The following AMDHD2 variants were observed in gnomAD, a reference collection of about 807,000 sequenced individuals.
AMDHD2 encodes the protein amidohydrolase domain containing 2, also known as N-acetylglucosamine-6-phosphate deacetylase.
Under a neutral mutation model 41.8 loss-of-function variants are expected in AMDHD2, and 24 were observed. That is an observed-to-expected ratio of 0.57 (90% CI 0.42 to 0.81). The LOEUF (loss-of-function observed/expected upper bound fraction) is 0.81, where lower values mean the gene tolerates loss of function less well. Among genes scored for constraint, AMDHD2 ranks in the 30% least tolerant of loss-of-function variants. The probability of loss-of-function intolerance (pLI) is 0.00; values close to 1 mark genes in which losing one functional copy is unlikely to be tolerated. For missense variants in AMDHD2, 540 were observed against 588.5 expected (o/e 0.92, Z 0.85); for synonymous variants, 332 against 255.5 (o/e 1.30, Z -2.85).
In AMDHD2 at chr16:2,530,930, G is replaced by A. The variant is rs778787903; in HGVS notation, c.*1367G>A. On this transcript the variant is annotated 3_prime_UTR_variant, in exon 11 of 11. Coordinates refer to ENST00000293971, the MANE Select transcript of AMDHD2 (RefSeq NM_001330449.2). The stretch of plus-strand genomic sequence containing the variant: ...ACCCCTTAGGAAGTGGCTGTCCAGC[G>A]CCTGCCTGTGCTGGGCCTGGGAGAG... 7.4e-6 allele frequency: 12 copies of A among 1,613,256 alleles called. No individual in the cohort carries two copies. In the East Asian group the frequency reaches 8.9e-5, roughly 12 times the overall value.
intron 3 of AMDHD2, among the ~76,000 whole-genome samples, chr16:2,525,880 T>G (rs1425137328): frequency 6.6e-6 from 1 of 152,082 alleles, no homozygotes; most frequent in African/African-American, 2.4e-5. Flanking sequence ...GGTTTCTCCA[T>G]GTTGGTAAGG....
chr16:2,527,091 G>A lies in AMDHD2; in HGVS notation c.361-470G>A, dbSNP rs994771140. On this transcript the variant is annotated intron_variant, in intron 3 of 10. Coordinates refer to ENST00000293971, the MANE Select transcript of AMDHD2 (RefSeq NM_001330449.2). This position sits in a 1 kb window ranked among gnomAD's most constrained non-coding sequence, Gnocchi z 6.1. ...TGTGCACTGGACTGCCTGCCCACCT[G>A]TTAGCCTCTGAGATGTGTGGTGTGA... The A allele has an allele frequency of 1.6e-3, 303 of 189,816 alleles. 2 individuals carry two copies. Among genetic ancestry groups the A allele is most frequent in the African/African-American group, 7.1e-3 (297 of 41,970 alleles). 11.8% of individuals were successfully genotyped at this position (189,816 alleles called of 1,614,324 possible).
chr16:2,531,405 G>GT lies in AMDHD2; in HGVS notation c.*1843dup, dbSNP rs1487453099. ...AATTGTGGTAAAATACATAACAAAA[G>GT]TAACTATCGTAACCTGAGCAGTTCT... On this transcript the variant is annotated 3_prime_UTR_variant, in exon 11 of 11. Transcript: ENST00000293971. 7 of 505,406 alleles carry GT rather than the reference G, an allele frequency of 1.4e-5. No homozygotes were observed. Among genetic ancestry groups the GT allele is most frequent in the Non-Finnish European group, 2.5e-5 (7 of 277,446 alleles). The allele number at this position is 505,406 out of a possible 1,614,324, so 31.3% of individuals were successfully genotyped here.
At position 2,530,000 on chromosome 16, in the gene AMDHD2, A is replaced by G; in HGVS notation, c.*437A>G. The G allele has an allele frequency of 1.4e-6, 1 of 730,558 alleles. No individual in the cohort carries two copies. Among genetic ancestry groups the G allele is most frequent in the Non-Finnish European group, 2.1e-6 (1 of 466,816 alleles). 45.3% of individuals were successfully genotyped at this position (730,558 alleles called of 1,614,324 possible). ...CATGGGCTGGGGGTGAAGAGCCGGC[A>G]GGAAGGGGACCAGTCACAGGGAGTG... On this transcript the variant is annotated 3_prime_UTR_variant, in exon 11 of 11. Transcript: ENST00000293971.
intron 3 of AMDHD2, among the ~76,000 whole-genome samples, chr16:2,524,856 C>T (rs972768316): frequency 6.6e-6 from 1 of 152,182 alleles, no homozygotes; most frequent in South Asian, 2.1e-4. Context: ...TCTCTCCTCT[C>T]ATCTTTCCTG....
rs769960445 is a variant in AMDHD2, at chr16:2,523,826, C to T, written c.360+2703C>T. ...TCTCTGTCCCCAGCCACATTCCCCA[C>T]TCCTGCCCCCAAACTCTTGGCCTAG... On this transcript the variant is annotated intron_variant, in intron 3 of 10. Coordinates refer to ENST00000293971, the MANE Select transcript of AMDHD2 (RefSeq NM_001330449.2). 6.6e-5 allele frequency among the ~76,000 whole-genome samples: 10 copies of T among 152,346 alleles called. 1 individual carries two copies. The South Asian group carries it at 8.3e-4, about 13-fold the overall frequency.
chr16:2,523,754 T>G (rs1293750291), intron 3 of AMDHD2, among the ~76,000 whole-genome samples: 1 of 152,168 alleles, frequency 6.6e-6, no homozygotes, highest in Non-Finnish European at 1.5e-5. Context: ...ACATCACCTC[T>G]GCCCCACCCC....
Position 2,527,840 on chromosome 16 carries a change from C to T in AMDHD2, c.483C>T (p.Arg161=). ...GCGCGCACCCCGAGGCCCACCTCCG[C>T]TCCTTCGAGGCCGATGCCTTCCAGG... ...KRGAHPEAHL[R]SFEADAFQDL... The change falls in exon 5 of 11, where the codon CGC becomes CGT. Residue 161 remains arginine (R), a synonymous_variant. Coordinates refer to ENST00000293971, the MANE Select transcript of AMDHD2 (RefSeq NM_001330449.2). This position sits in a 1 kb window ranked among gnomAD's most constrained non-coding sequence, Gnocchi z 6.1. 2 of 1,596,946 alleles carry T rather than the reference C, an allele frequency of 1.3e-6. No homozygotes were observed. Among genetic ancestry groups the T allele is most frequent in the Non-Finnish European group, 1.7e-6 (2 of 1,178,580 alleles).
chr16:2,528,204 G>C, intron 6 of AMDHD2, 32 bp from the exon 7 acceptor site: 2 of 1,611,928 alleles, frequency 1.2e-6, no homozygotes, highest in East Asian at 2.2e-5. Flanking sequence ...CCCTGCTGTC[G>C]CTCAGCCATC....
chr16:2,528,622 C>G (rs754798317), intron 8 of AMDHD2, 28 bp from the exon 9 acceptor site: 2 of 1,613,014 alleles, frequency 1.2e-6, no homozygotes, highest in Non-Finnish European at 1.7e-6. Context: ...CCACGACCCC[C>G]CCAGAGCCTG....
rs774721909 is a variant in AMDHD2 at position 2,521,005 on chromosome 16, C to T, written c.242C>T (p.Ser81Phe). 8.1e-6 allele frequency: 13 copies of T among 1,609,008 alleles called. No homozygotes were observed. The highest frequency in any genetic ancestry group is 1.1e-5 in the South Asian group (1 of 90,338). ...QINGGFGVDFSQATEDVGSGV... is the reference protein window; with the variant it reads ...QINGGFGVDFFQATEDVGSGV... ...GCAGGTGGATTTGGTGTTGACTTCT[C>T]TCAAGCCACGGAGGACGTGGGTTCG... Residue 81 changes from serine to phenylalanine, a missense_variant, in exon 3 of 11, where the codon TCT becomes TTT. By Grantham distance (155) the Ser-to-Phe change is radical (BLOSUM62 -2). Transcript: ENST00000293971.
At position 2,530,272 on chromosome 16, in the gene AMDHD2, G is replaced by T; in HGVS notation, c.*709G>T. ...ACATCCCCAGGCCCAGTGCTTGCCG[G>T]CTGTGGTGACCCTGCCTGGTGCTGG... On this transcript the variant is annotated 3_prime_UTR_variant, in exon 11 of 11. Transcript: ENST00000293971. 1 of 1,612,282 alleles carries T rather than the reference G, an allele frequency of 6.2e-7. No homozygotes were observed. Among genetic ancestry groups the T allele is most frequent in the Non-Finnish European group, 8.5e-7 (1 of 1,179,220 alleles).
intron 3 of AMDHD2, among the ~76,000 whole-genome samples, chr16:2,523,528 TGGCTTAGG>T (rs1336717875): frequency 6.6e-6 from 1 of 152,106 alleles, no homozygotes; most frequent in Non-Finnish European, 1.5e-5. Context: ...GCAGCGTGCA[TGGCTTAGG>T]GGCGTTGGGT....
rs1386724697 is a variant in AMDHD2 at position 2,530,909 on chromosome 16, C to T, written c.*1346C>T. The T allele has an allele frequency of 3.1e-6, 5 of 1,613,422 alleles. No homozygotes were observed. The highest frequency in any genetic ancestry group is 4.2e-6 in the Non-Finnish European group (5 of 1,179,988). On this transcript the variant is annotated 3_prime_UTR_variant, in exon 11 of 11. Transcript: ENST00000293971. ...CCTCTGCCTTGACGGCCGCGCACCCCTTAGGAAGTGGCTGTCCAGCGCCTG... is the reference window on the plus strand; with the variant it reads ...CCTCTGCCTTGACGGCCGCGCACCCTTTAGGAAGTGGCTGTCCAGCGCCTG...
chr16:2,524,526 C>T (rs1201763004), intron 3 of AMDHD2, among the ~76,000 whole-genome samples: 4 of 152,244 alleles, frequency 2.6e-5, no homozygotes, highest in African/African-American at 9.6e-5. Flanking sequence ...TATGTAGCGC[C>T]CTCTTGCTCC....
intron 3 of AMDHD2, among the ~76,000 whole-genome samples, chr16:2,521,351 T>G (rs1261327540): frequency 1.3e-5 from 2 of 152,210 alleles, no homozygotes; most frequent in African/African-American, 4.8e-5. Flanking sequence ...GTCTCCACAC[T>G]GCTGGCTCAG....
At chr16:2,524,935 T>G (rs2065984799) in intron 3 of AMDHD2, among the ~76,000 whole-genome samples, 1 of 151,794 alleles carries the variant, frequency 6.6e-6, no homozygotes, top group Non-Finnish European at 1.5e-5. Flanking sequence ...AAGGGATGTG[T>G]GGCCCAGTGA....
intron 3 of AMDHD2, 57 bp downstream of exon 3, chr16:2,521,180 C>T: frequency 6.7e-7 from 1 of 1,493,700 alleles, no homozygotes; most frequent in African/African-American, 1.4e-5. Flanking sequence ...CCAGCGCCCT[C>T]ATTTTCAAAC....
Position 2,528,721 on chromosome 16 carries a change from C to A in AMDHD2, c.1039+3C>A, listed in dbSNP as rs533585872. On this transcript the variant is annotated splice_donor_region_variant and intron_variant, in intron 9 of 10. Coordinates refer to ENST00000293971, the MANE Select transcript of AMDHD2 (RefSeq NM_001330449.2). The stretch of plus-strand genomic sequence containing the variant: ...CCGGCACTTCCTGCAGGCCACAGGT[C>A]AGTGAGCAGCACGGGTGCGGGTTTA... 420 of 1,612,204 alleles carry A rather than the reference C, an allele frequency of 2.6e-4. No homozygotes were observed. Among genetic ancestry groups the A allele is most frequent in the Middle Eastern group, 5.0e-4 (3 of 6,046 alleles).
Sources: allele counts gnomAD v4.1 joint callset (sites outside exome capture counted in the v4.1 genomes callset), GRCh38; gene constraint gnomAD v4.1.1; non-coding constraint Gnocchi (gnomAD v3.1); transcripts MANE v1.5; gene names NCBI Gene and HGNC (gene_info 2026-07-23, HGNC 2026-07-21).